EBF1: variants seen among roughly 807,000 people sequenced by gnomAD.
The protein encoded by EBF1 is transcription factor COE1.
A neutral mutation model predicts 68.4 loss-of-function variants in EBF1; 10 were observed. The ratio of observed to expected loss-of-function variants is 0.15; its 90% CI spans 0.09 to 0.25. EBF1 has a LOEUF of 0.25. Among genes scored for constraint, EBF1 ranks in the 10% least tolerant of loss-of-function variants. The pLI is 1.00. For missense variants in EBF1, 509 were observed against 794.4 expected, an observed-to-expected ratio of 0.64 and a Z score of 4.32; for synonymous variants, 298 against 299.8, an observed-to-expected ratio of 0.99 and a Z score of 0.06.
At chr5:159,088,228 C>A (rs1781055618) in intron 4 of EBF1, among the ~76,000 whole-genome samples, 1 of 152,096 alleles carries the variant, frequency 6.6e-6, no homozygotes, top group Non-Finnish European at 1.5e-5. Context: ...AATCAACATC[C>A]TGATTGGATC....
intron 6 of EBF1, among the ~76,000 whole-genome samples, chr5:159,071,639 A>G (rs1777806199): frequency 6.6e-6 from 1 of 152,104 alleles, no homozygotes; most frequent in South Asian, 2.1e-4. Flanking sequence ...ACAGGTCAAA[A>G]TCAAATGTTA....
At chr5:158,857,320 G>C (rs1160737443) in intron 6 of EBF1, among the ~76,000 whole-genome samples, 4 of 151,898 alleles carry the variant, frequency 2.6e-5, no homozygotes, top group African/African-American at 9.7e-5. Context: ...TCCCCTGGCT[G>C]TCCCCCAAAA....
intron 6 of EBF1, among the ~76,000 whole-genome samples, chr5:158,899,054 G>A (rs1254766039): frequency 1.3e-5 from 2 of 152,164 alleles, no homozygotes; most frequent in African/African-American, 2.4e-5. Context: ...TCCCCATATT[G>A]TTGAATACAA....
At chr5:158,980,516 C>T (rs1157685353) in intron 6 of EBF1, among the ~76,000 whole-genome samples, 2 of 152,158 alleles carry the variant, frequency 1.3e-5, no homozygotes, top group Non-Finnish European at 2.9e-5. Context: ...CACACTCAAC[C>T]CCAATATAGT....
chr5:158,943,965 G>A (rs969836276), intron 6 of EBF1, among the ~76,000 whole-genome samples: 11 of 152,264 alleles, frequency 7.2e-5, no homozygotes, highest in Middle Eastern at 3.4e-3. Flanking sequence ...CACTGAGCCC[G>A]GACTGCGCCT....
chr5:158,717,051 T>A (rs1760885017), intron 11 of EBF1, among the ~76,000 whole-genome samples: 1 of 152,218 alleles, frequency 6.6e-6, no homozygotes, highest in South Asian at 2.1e-4. Context: ...TTTAACAATT[T>A]AAAGGCTAAA....
intron 11 of EBF1, among the ~76,000 whole-genome samples, chr5:158,725,246 A>G (rs1272002403): frequency 6.6e-6 from 1 of 152,180 alleles, no homozygotes; most frequent in Non-Finnish European, 1.5e-5. Context: ...ATGGTGCTTG[A>G]CATTCAATGT....
intron 6 of EBF1, chr5:159,019,219 T>C (rs1325976995): frequency 6.6e-6 from 1 of 152,214 alleles, no homozygotes; most frequent in East Asian, 1.9e-4. Context: ...AGAAAGCCCT[T>C]TAGTAAGCCA....
intron 11 of EBF1, among the ~76,000 whole-genome samples, chr5:158,716,292 C>T (rs955924818): frequency 1.3e-5 from 2 of 152,024 alleles, no homozygotes; most frequent in Non-Finnish European, 2.9e-5. Flanking sequence ...CCAGAGCTCT[C>T]ATCCCCATTT....
In EBF1 at chr5:158,836,938, T is replaced by C. The variant is rs117440908; in HGVS notation, c.636+3091A>G. Among the ~76,000 whole-genome samples, 649 of 152,314 alleles carry C rather than the reference T, an allele frequency of 4.3e-3. 41 individuals are homozygous for C. The East Asian group carries it at 0.11, about 27-fold the overall frequency. On this transcript the variant is annotated intron_variant, in intron 7 of 15. Coordinates refer to ENST00000313708, the MANE Select transcript of EBF1 (RefSeq NM_024007.5). Reference sequence around the variant, plus strand: ...CATTTGAGAATCACAGGCAAGAGCATTGTCAGTGTCAGAGTTCAGATAAAT... The same window carrying C: ...CATTTGAGAATCACAGGCAAGAGCACTGTCAGTGTCAGAGTTCAGATAAAT...
At chr5:158,825,004 A>G (rs981177275) in intron 7 of EBF1, among the ~76,000 whole-genome samples, 1 of 152,252 alleles carries the variant, frequency 6.6e-6, no homozygotes, top group African/African-American at 2.4e-5. Context: ...TCAGGGAATC[A>G]GAGTATTCTC....
At chr5:158,721,323 A>G (rs1028695355) in intron 11 of EBF1, among the ~76,000 whole-genome samples, 2 of 152,182 alleles carry the variant, frequency 1.3e-5, no homozygotes, top group Admixed American at 1.3e-4. Context: ...CTAGGTTGTA[A>G]GCTAACGCGG....
At chr5:158,784,573 G>A (rs1228618263) in intron 9 of EBF1, among the ~76,000 whole-genome samples, 1 of 152,142 alleles carries the variant, frequency 6.6e-6, no homozygotes, top group Non-Finnish European at 1.5e-5. Flanking sequence ...ATAAATGCAA[G>A]TTGAAGTTGC....
intron 7 of EBF1, among the ~76,000 whole-genome samples, chr5:158,831,296 A>C (rs963282409): frequency 3.9e-5 from 6 of 152,182 alleles, no homozygotes; most frequent in African/African-American, 1.4e-4. Context: ...CAGATTCCAG[A>C]GTCAGATGAT....
rs1323873367 is a variant in EBF1, at chr5:159,028,237, G to C, written c.554+45159C>G. ...ATGAGTGGCATCATGGCAATAGGAG[G>C]ACTTGGGGTAAGGATAGAGGAGAGA... On this transcript the variant is annotated intron_variant, in intron 6 of 15. Coordinates refer to ENST00000313708, the MANE Select transcript of EBF1 (RefSeq NM_024007.5). Among the ~76,000 whole-genome samples, 3 of 152,170 alleles carry C rather than the reference G, an allele frequency of 2.0e-5. No individual in the cohort carries two copies. The East Asian group carries it at 5.8e-4, about 29-fold the overall frequency.
At chr5:158,751,112 A>G (rs1002643011) in intron 10 of EBF1, among the ~76,000 whole-genome samples, 2 of 152,180 alleles carry the variant, frequency 1.3e-5, no homozygotes, top group African/African-American at 4.8e-5. Context: ...GAAAATGTTC[A>G]TATATATTTG....
In EBF1 at chr5:158,980,855, T is replaced by C. The variant is rs1484822870; in HGVS notation, c.554+92541A>G. On this transcript the variant is annotated intron_variant, in intron 6 of 15. Transcript: ENST00000313708. ...GGAGTATGACATGCCTTCTCATTTTTTTCCCCTTGTCTATATCAAGGGATT... is the reference window on the plus strand; with the variant it reads ...GGAGTATGACATGCCTTCTCATTTTCTTCCCCTTGTCTATATCAAGGGATT... 2.0e-5 allele frequency among the ~76,000 whole-genome samples: 3 copies of C among 152,206 alleles called. No homozygotes were observed. In the East Asian group the frequency reaches 5.8e-4, roughly 29 times the overall value.
chr5:159,096,667 C>A (rs1033508276), intron 2 of EBF1: 12 of 605,624 alleles, frequency 2.0e-5, no homozygotes, highest in Non-Finnish European at 3.2e-5. Context: ...CGTGCCCCGG[C>A]CACCAGAGGC....
chr5:159,028,005 A>G (rs1378026732), intron 6 of EBF1, among the ~76,000 whole-genome samples: 4 of 152,202 alleles, frequency 2.6e-5, no homozygotes, highest in African/African-American at 9.6e-5. Context: ...CGGACTTGGT[A>G]AATAAGAGTT....
Sources: gnomAD v4.1 joint callset for allele counts (sites outside exome capture counted in the v4.1 genomes callset) on GRCh38, gnomAD v4.1.1 for gene constraint, MANE v1.5 for transcripts, NCBI Gene and HGNC (gene_info 2026-07-23, HGNC 2026-07-21) for gene names.